Variants in ROCK2 observed in about 807,000 individuals in gnomAD.
The protein encoded by ROCK2 is rho-associated protein kinase 2.
Under a neutral mutation model 195.1 loss-of-function variants are expected in ROCK2, and 61 were observed. That is an observed-to-expected ratio of 0.31 (90% CI 0.25 to 0.39). The LOEUF (loss-of-function observed/expected upper bound fraction) is 0.39, where lower values mean the gene tolerates loss of function less well. ROCK2 is among the 10% of genes least tolerant of loss of function. The pLI is 1.00. For synonymous variants in ROCK2, 504 were observed against 545.5 expected (o/e 0.92, Z 1.06); for missense variants, 1,109 against 1,637.4 (o/e 0.68, Z 5.57).
rs935662198 is a variant in ROCK2, at chr2:11,181,439, C to T, written c.*1998G>A. 6.6e-6 allele frequency: 1 copy of T among 151,876 alleles called. No individual in the cohort carries two copies. The highest frequency in any genetic ancestry group is 1.5e-5 in the Non-Finnish European group (1 of 67,996). 9.4% of individuals were successfully genotyped at this position (151,876 alleles called of 1,614,324 possible). A position where few individuals can be genotyped will look rare whatever the true frequency, so the allele number is the denominator to read the frequency against. The stretch of plus-strand genomic sequence containing the variant: ...CATGCACGTCTAGTCTGAGCACAGA[C>T]AGCACAGCAGAGTGCAGACTGGAGA... On this transcript the variant is annotated 3_prime_UTR_variant, in exon 33 of 33. Transcript: ENST00000315872.
chr2:11,211,197 A>G (rs979600694), intron 18 of ROCK2, among the ~76,000 whole-genome samples: 6 of 152,192 alleles, frequency 3.9e-5, no homozygotes, highest in Admixed American at 3.9e-4. Flanking sequence ...CATGTTAGAG[A>G]TCAAAATACT....
chr2:11,230,572 T>C (rs970284247), intron 5 of ROCK2, among the ~76,000 whole-genome samples: 3 of 152,178 alleles, frequency 2.0e-5, no homozygotes, highest in Non-Finnish European at 4.4e-5. Flanking sequence ...AGAAATTTCA[T>C]GTGACAAGCT....
chr2:11,219,336 C>CAAAAAAAAA (rs35159426), intron 9 of ROCK2, among the ~76,000 whole-genome samples: 43 of 67,368 alleles, frequency 6.4e-4, no homozygotes, highest in African/African-American at 1.4e-3. Flanking sequence ...CTTATCTCTA[C>CAAAAAAAAA]AAAAAAAAAA....
In ROCK2 at chr2:11,344,340, C is replaced by CGGCCG. The variant is rs1669215157; in HGVS notation, c.-205_-204insCGGCC. The CGGCCG allele has an allele frequency of 1.8e-6, 2 of 1,125,620 alleles. No homozygotes were observed. The highest frequency in any genetic ancestry group is 2.2e-6 in the Non-Finnish European group (2 of 904,104). The allele number at this position is 1,125,620 out of a possible 1,614,324, so 69.7% of individuals were successfully genotyped here. ...CCGCCCGGCCCAGCCCGGCCCAGCCCGGCCCGGCCCTGCCGGGAGCGGCGG... is the reference window on the plus strand; with the variant it reads ...CCGCCCGGCCCAGCCCGGCCCAGCCCGGCCGGGCCCGGCCCTGCCGGGAGCGGCGG... On this transcript the variant is annotated 5_prime_UTR_variant, in exon 1 of 33. Transcript: ENST00000315872. The surrounding 1 kb of genome is among the most constrained non-coding windows in gnomAD (Gnocchi z 5.4).
At chr2:11,264,994 C>T (rs943308880) in intron 3 of ROCK2, among the ~76,000 whole-genome samples, 2 of 152,170 alleles carry the variant, frequency 1.3e-5, no homozygotes, top group African/African-American at 4.8e-5. Flanking sequence ...AATCTCATTT[C>T]AACCACTTAG....
chr2:11,235,628 A>T lies in ROCK2; in HGVS notation c.723+74T>A, dbSNP rs573785153. On this transcript the variant is annotated intron_variant, in intron 5 of 32. Coordinates refer to ENST00000315872, the MANE Select transcript of ROCK2 (RefSeq NM_004850.5). This position sits in a 1 kb window ranked among gnomAD's most constrained non-coding sequence, Gnocchi z 4.2. ...AAATTTACCTTTGTTCAAAACTATGAAGACCTGACTTAAAGTATTTCATTT... is the reference window on the plus strand; with the variant it reads ...AAATTTACCTTTGTTCAAAACTATGTAGACCTGACTTAAAGTATTTCATTT... 4.6e-5 allele frequency: 67 copies of T among 1,462,396 alleles called. No individual in the cohort carries two copies. In the South Asian group the frequency reaches 8.5e-4, roughly 19 times the overall value. 90.6% of individuals were successfully genotyped at this position (1,462,396 alleles called of 1,614,324 possible). A position where few individuals can be genotyped will look rare whatever the true frequency, so the allele number is the denominator to read the frequency against.
At chr2:11,206,401 A>G (rs941175073) in intron 20 of ROCK2, among the ~76,000 whole-genome samples, 6 of 152,198 alleles carry the variant, frequency 3.9e-5, no homozygotes, top group Admixed American at 6.5e-5. Context: ...CATAAACACT[A>G]TCGTTAGAAT....
At chr2:11,281,263 C>A (rs1450313995) in intron 3 of ROCK2, among the ~76,000 whole-genome samples, 1 of 141,180 alleles carries the variant, frequency 7.1e-6, no homozygotes, top group Non-Finnish European at 1.5e-5. Flanking sequence ...GGAACTTCAA[C>A]TTGAATATCT....
Position 11,224,360 on chromosome 2 carries a change from T to C in ROCK2, c.969A>G (p.Lys323=). 6.2e-7 allele frequency: 1 copy of C among 1,613,504 alleles called. No individual in the cohort carries two copies. The highest frequency in any genetic ancestry group is 8.5e-7 in the Non-Finnish European group (1 of 1,179,580). The stretch of plus-strand genomic sequence containing the variant: ...AAGCACAGATGAGATTCTTTGCATG[T>C]TTGGAAATTTCTGCATCTTCAGGGA... ...LCFPEDAEIS[K]HAKNLICAFL... Residue 323 remains lysine (K), a synonymous_variant, in exon 7 of 33, where the codon AAA becomes AAG. Coordinates refer to ENST00000315872, the MANE Select transcript of ROCK2 (RefSeq NM_004850.5).
intron 1 of ROCK2, among the ~76,000 whole-genome samples, chr2:11,298,142 T>C (rs1379300662): frequency 2.6e-5 from 4 of 152,124 alleles, no homozygotes; most frequent in African/African-American, 9.7e-5. Context: ...AAGAATGTTT[T>C]GGGTGCATTG....
intron 4 of ROCK2, among the ~76,000 whole-genome samples, chr2:11,239,208 G>A (rs1315023802): frequency 1.3e-5 from 2 of 151,960 alleles, no homozygotes. Flanking sequence ...ATAAAAAACT[G>A]ATACATGGTA....
intron 3 of ROCK2, among the ~76,000 whole-genome samples, chr2:11,276,543 T>C (rs1360967468): frequency 6.6e-6 from 1 of 152,170 alleles, no homozygotes; most frequent in Non-Finnish European, 1.5e-5. Flanking sequence ...ACCCAGTCCC[T>C]TGTTATTAGA....
intron 3 of ROCK2, among the ~76,000 whole-genome samples, chr2:11,264,604 T>C (rs1666350629): frequency 6.6e-6 from 1 of 151,998 alleles, no homozygotes; most frequent in African/African-American, 2.4e-5. Context: ...TGGATATGAG[T>C]TGGGGAGCAA....
rs1489468944 is a variant in ROCK2 at position 11,334,901 on chromosome 2, G to A, written c.141+9095C>T. Among the ~76,000 whole-genome samples, 9 of 140,204 alleles carry A rather than the reference G, an allele frequency of 6.4e-5. 1 individual carries two copies. Among genetic ancestry groups the A allele is most frequent in the Non-Finnish European group, 1.5e-4 (9 of 60,446 alleles). 92.0% of individuals were successfully genotyped at this position (140,204 alleles called of 152,430 possible). A position where few individuals can be genotyped will look rare whatever the true frequency, so the allele number is the denominator to read the frequency against. On this transcript the variant is annotated intron_variant, in intron 1 of 32. Coordinates refer to ENST00000315872, the MANE Select transcript of ROCK2 (RefSeq NM_004850.5). Reference sequence around the variant, plus strand: ...AAATCTGAGGTGAAACTCTTTTAGAGAATAAAGGAATTCAGACATTGAATA... The same window carrying A: ...AAATCTGAGGTGAAACTCTTTTAGAAAATAAAGGAATTCAGACATTGAATA...
chr2:11,217,228 T>C, intron 11 of ROCK2, 59 bp from the exon 12 acceptor site: 2 of 842,666 alleles, frequency 2.4e-6, no homozygotes, highest in South Asian at 2.8e-5. Flanking sequence ...GATGAGAGGC[T>C]TAAAGAAAAC....
At position 11,217,314 on chromosome 2, in the gene ROCK2, T is replaced by G. The variant is rs764057379; in HGVS notation, c.1333-145A>C. ...GTACAGTATTTGTACCTCCTTAATG[T>G]GACTTATATTGATAAAAGGAAAAAC... On this transcript the variant is annotated intron_variant, in intron 11 of 32. Coordinates refer to ENST00000315872, the MANE Select transcript of ROCK2 (RefSeq NM_004850.5). The G allele has an allele frequency of 8.2e-6, 6 of 727,466 alleles. No individual in the cohort carries two copies. In the African/African-American group the frequency reaches 1.0e-4, roughly 13 times the overall value. The allele number at this position is 727,466 out of a possible 1,614,324, so 45.1% of individuals were successfully genotyped here. A position where few individuals can be genotyped will look rare whatever the true frequency, so the allele number is the denominator to read the frequency against.
intron 12 of ROCK2, among the ~76,000 whole-genome samples, chr2:11,216,460 C>T (rs1357450417): frequency 6.6e-6 from 1 of 151,502 alleles, no homozygotes; most frequent in African/African-American, 2.4e-5. Flanking sequence ...GTTGGGATTA[C>T]AGGCGTGAGT....
intron 32 of ROCK2, among the ~76,000 whole-genome samples, chr2:11,183,845 C>T (rs1363279981): frequency 1.3e-5 from 2 of 152,130 alleles, no homozygotes; most frequent in Non-Finnish European, 2.9e-5. Flanking sequence ...CAACCCTAAG[C>T]CACATTTTGT....
At chr2:11,199,493 A>ATT (rs1558284256) in intron 23 of ROCK2, among the ~76,000 whole-genome samples, 3 of 150,438 alleles carry the variant, frequency 2.0e-5, no homozygotes, top group African/African-American at 7.3e-5. Context: ...GGATAAAAAA[A>ATT]ATTTTTTTTT....
Sources: gnomAD v4.1 joint callset for allele counts (sites outside exome capture counted in the v4.1 genomes callset) on GRCh38, gnomAD v4.1.1 for gene constraint, Gnocchi (gnomAD v3.1) non-coding constraint, MANE v1.5 for transcripts, NCBI Gene and HGNC (gene_info 2026-07-23, HGNC 2026-07-21) for gene names.